Variants in SLC25A48 observed in about 807,000 individuals in gnomAD.
SLC25A48 encodes the protein CTC-321K16.1.
A neutral mutation model predicts 32.2 loss-of-function variants in SLC25A48; 29 were observed. The ratio of observed to expected loss-of-function variants is 0.90; its 90% CI spans 0.67 to 1.23. The LOEUF (loss-of-function observed/expected upper bound fraction) is 1.23. Among genes scored for constraint, SLC25A48 ranks in the 50% most tolerant of loss-of-function variants. The pLI is 0.00. For synonymous variants in SLC25A48, 164 were observed against 172.3 expected (o/e 0.95, Z 0.38); for missense variants, 399 against 422.7 (o/e 0.94, Z 0.49).
intron 3 of SLC25A48, among the ~76,000 whole-genome samples, chr5:135,778,017 C>T (rs1756612030): frequency 7.0e-6 from 1 of 142,418 alleles, no homozygotes; most frequent in Admixed American, 7.0e-5. Context: ...TTTCTAATAT[C>T]CAAACGGGGA....
At chr5:135,850,760 G>T (rs1450998795) in intron 3 of SLC25A48, among the ~76,000 whole-genome samples, 1 of 152,230 alleles carries the variant, frequency 6.6e-6, no homozygotes, top group African/African-American at 2.4e-5. Context: ...ATCTGGAGCT[G>T]CAGTGTGGAA....
At chr5:135,718,221 G>T (rs1754855535) in intron 3 of SLC25A48, among the ~76,000 whole-genome samples, 1 of 152,142 alleles carries the variant, frequency 6.6e-6, no homozygotes, top group Non-Finnish European at 1.5e-5. Flanking sequence ...GGGAAGCTGA[G>T]TCCCCTTGGC....
intron 4 of SLC25A48, chr5:135,822,051 G>A (rs935338882): frequency 2.6e-5 from 4 of 152,206 alleles, no homozygotes; most frequent in Non-Finnish European, 5.9e-5. Flanking sequence ...TGGAGCCGGG[G>A]CCCTCGCAGG....
chr5:135,764,738 C>CG, intron 3 of SLC25A48, among the ~76,000 whole-genome samples: 1 of 137,732 alleles, frequency 7.3e-6, no homozygotes, highest in South Asian at 2.4e-4. Context: ...CTCCATATCA[C>CG]GGGGGGTGCA....
intron 3 of SLC25A48, among the ~76,000 whole-genome samples, chr5:135,646,678 T>TATATATATACAC (rs966073970): frequency 4.1e-4 from 56 of 136,772 alleles, no homozygotes; most frequent in African/African-American, 1.4e-3. Context: ...TATATATATA[T>TATATATATACAC]ACAATGGGAA....
intron 1 of SLC25A48, among the ~76,000 whole-genome samples, chr5:135,614,240 G>C (rs1752137480): frequency 6.6e-6 from 1 of 152,028 alleles, no homozygotes; most frequent in South Asian, 2.1e-4. Context: ...TTCTTAGCTA[G>C]TTCCTTGAAA....
chr5:135,686,946 G>GTT (rs541107047), intron 3 of SLC25A48, among the ~76,000 whole-genome samples: 2 of 145,506 alleles, frequency 1.4e-5, no homozygotes, highest in Non-Finnish European at 1.5e-5. Context: ...GGAAAGGGTT[G>GTT]TTTTTTTTTT....
intron 2 of SLC25A48, among the ~76,000 whole-genome samples, chr5:135,849,837 T>C (rs1759696383): frequency 6.6e-6 from 1 of 151,952 alleles, no homozygotes; most frequent in African/African-American, 2.4e-5. Context: ...GGAGATGGCA[T>C]GTGGGGTGAG....
At chr5:135,687,175 A>G (rs1754037134) in intron 3 of SLC25A48, among the ~76,000 whole-genome samples, 1 of 150,484 alleles carries the variant, frequency 6.6e-6, no homozygotes, top group South Asian at 2.1e-4. Flanking sequence ...ACATTAAGGA[A>G]TCTTATTTAC....
intron 3 of SLC25A48, among the ~76,000 whole-genome samples, chr5:135,759,899 A>G (rs35313406): frequency 0.76 from 114,319 of 149,510 alleles, 44,184 homozygotes; most frequent in Middle Eastern, 0.87. Flanking sequence ...GCACGATCTC[A>G]GCTCACTGCA....
At chr5:135,741,303 C>T (rs1478150965) in intron 3 of SLC25A48, among the ~76,000 whole-genome samples, 3 of 152,154 alleles carry the variant, frequency 2.0e-5, no homozygotes, top group Admixed American at 1.3e-4. Context: ...TTTTCATGCT[C>T]ATCTGTATAC....
chr5:135,606,352 A>G (rs1751931875), intron 1 of SLC25A48, among the ~76,000 whole-genome samples: 1 of 152,208 alleles, frequency 6.6e-6, no homozygotes, highest in Non-Finnish European at 1.5e-5. Flanking sequence ...ATTTTTCAAC[A>G]TTTTATTTTA....
At chr5:135,679,395 T>C (rs576633903) in intron 3 of SLC25A48, among the ~76,000 whole-genome samples, 71 of 152,150 alleles carry the variant, frequency 4.7e-4, no homozygotes, top group African/African-American at 1.7e-3. Flanking sequence ...TCCCAGGTGG[T>C]AGGGTGATCC....
rs1469042771 is a variant in SLC25A48 at position 135,629,030 on chromosome 5, A to G, written c.-848-207A>G. Among the ~76,000 whole-genome samples the G allele has an allele frequency of 2.0e-5, 3 of 152,210 alleles. No homozygotes were observed. The highest frequency in any genetic ancestry group is 4.4e-5 in the Non-Finnish European group (3 of 68,032). On this transcript the variant is annotated intron_variant, in intron 1 of 10. Transcript: ENST00000646290. The surrounding 1 kb of genome is among the most constrained non-coding windows in gnomAD (Gnocchi z 4.8). ...AGGTTAATTTCCAGAATTAGGCTAC[A>G]GTCCCTTTTCATAAATTCCCCAGCA...
upstream of SLC25A48, among the ~76,000 whole-genome samples, chr5:135,831,165 G>A (rs186167722): frequency 5.8e-3 from 886 of 152,292 alleles, 4 homozygotes; most frequent in Non-Finnish European, 9.4e-3. Flanking sequence ...GAAAGAAGCC[G>A]GGCTTCTGTG....
chr5:135,715,104 A>G (rs1428773798), intron 3 of SLC25A48, among the ~76,000 whole-genome samples: 1 of 152,204 alleles, frequency 6.6e-6, no homozygotes, highest in Non-Finnish European at 1.5e-5. Flanking sequence ...CAAGAAGGCT[A>G]TTGCAGCAGG....
intron 1 of SLC25A48, among the ~76,000 whole-genome samples, chr5:135,608,607 C>G (rs1751995080): frequency 6.6e-6 from 1 of 152,204 alleles, no homozygotes; most frequent in Non-Finnish European, 1.5e-5. Context: ...AGTTACAGGG[C>G]ACATGCTGGA....
At position 135,720,355 on chromosome 5, in the gene SLC25A48, G is replaced by A. The variant is rs116766441; in HGVS notation, c.-521+85399G>A. On this transcript the variant is annotated intron_variant, in intron 3 of 10. Coordinates refer to the SLC25A48 transcript ENST00000646290. ...GCACAGAAGCACTGGCTGGGCCCAG[G>A]CCCTTTGTGAAAGGAGGATGTGGAG... Among the ~76,000 whole-genome samples the A allele has an allele frequency of 5.0e-3, 761 of 152,324 alleles. 6 individuals are homozygous for A. Among genetic ancestry groups the A allele is most frequent in the African/African-American group, 0.017 (721 of 41,576 alleles).
At chr5:135,676,002 GC>G (rs1753760283) in intron 3 of SLC25A48, among the ~76,000 whole-genome samples, 1 of 151,590 alleles carries the variant, frequency 6.6e-6, no homozygotes, top group Non-Finnish European at 1.5e-5. Flanking sequence ...TTCTTTCTTA[GC>G]TAGCTTATTT....
Sources: gnomAD v4.1 joint callset for allele counts (sites outside exome capture counted in the v4.1 genomes callset) on GRCh38, gnomAD v4.1.1 for gene constraint, Gnocchi (gnomAD v3.1) non-coding constraint, MANE v1.5 for transcripts, NCBI Gene and HGNC (gene_info 2026-07-23, HGNC 2026-07-21) for gene names.